The following GOLGA3 variants were observed in gnomAD, a reference collection of about 807,000 sequenced individuals.
GOLGA3 encodes golgin subfamily A member 3.
A neutral mutation model predicts 169.4 loss-of-function variants in GOLGA3; 75 were observed. The ratio of observed to expected loss-of-function variants is 0.44; its 90% confidence interval spans 0.37 to 0.54. The LOEUF is 0.54. Among genes scored for constraint, GOLGA3 ranks in the 20% least tolerant of loss-of-function variants. The probability of loss-of-function intolerance (pLI) is 0.00; values close to 1 mark genes in which losing one functional copy is unlikely to be tolerated. For synonymous variants in GOLGA3, 824 were observed against 822.4 expected (o/e 1.00, Z -0.03); for missense variants, 1,899 against 1,930.0 (o/e 0.98, Z 0.30).
At chr12:132,788,932 G>C in intron 13 of GOLGA3, 95 bp downstream of exon 13, 15 of 277,972 alleles carry the variant, frequency 5.4e-5, no homozygotes, top group Non-Finnish European at 7.8e-5. Flanking sequence ...CCCCGCCCCA[G>C]ACACAGGCCC....
At chr12:132,783,677 A>C (rs568279341) in intron 16 of GOLGA3, among the ~76,000 whole-genome samples, 1 of 152,304 alleles carries the variant, frequency 6.6e-6, no homozygotes, top group South Asian at 2.1e-4. Context: ...TCCTGGGTTC[A>C]AGCGGTTTAC....
chr12:132,795,702 A>T, intron 11 of GOLGA3, 150 bp downstream of exon 11: 1 of 815,270 alleles, frequency 1.2e-6, no homozygotes, highest in Non-Finnish European at 1.9e-6. Flanking sequence ...TGGAGGTTGC[A>T]GTGAGCGCAG....
intron 2 of GOLGA3, among the ~76,000 whole-genome samples, chr12:132,819,286 T>C (rs985420793): frequency 1.3e-5 from 2 of 151,994 alleles, no homozygotes. Flanking sequence ...TCCCAGCACT[T>C]TGGGAAGCTG....
At position 132,782,434 on chromosome 12, in the gene GOLGA3, C is replaced by T. The variant is rs770228912; in HGVS notation, c.3327G>A (p.Lys1109=). ...KIKRLEESNK[K]LALELEHEKG... ...TCTCGTGCTCTAATTCAAGAGCCAACTTCTTGTTTGACTCCTCAAGGCGTT... is the reference window on the plus strand; with the variant it reads ...TCTCGTGCTCTAATTCAAGAGCCAATTTCTTGTTTGACTCCTCAAGGCGTT... The change falls in exon 17 of 24, where the codon AAG becomes AAA. Residue 1109 remains lysine (K), a synonymous_variant. Transcript: ENST00000450791. 6.2e-7 allele frequency: 1 copy of T among 1,614,068 alleles called. No individual in the cohort carries two copies. Among genetic ancestry groups the T allele is most frequent in the Non-Finnish European group, 8.5e-7 (1 of 1,179,894 alleles).
At chr12:132,783,894 C>A in intron 16 of GOLGA3, 1 of 1,425,872 alleles carries the variant, frequency 7.0e-7, no homozygotes, top group Non-Finnish European at 9.1e-7. Context: ...TTCTTATTTG[C>A]AACCAAAGCA....
intron 8 of GOLGA3, among the ~76,000 whole-genome samples, chr12:132,800,122 G>A (rs1419589489): frequency 6.6e-6 from 1 of 152,208 alleles, no homozygotes; most frequent in African/African-American, 2.4e-5. Flanking sequence ...GTAAAAAAGT[G>A]TATTAATTTG....
In GOLGA3 at chr12:132,826,089, A is replaced by G. The variant is rs574780326; in HGVS notation, c.-184+2714T>C. 9 of 1,464,810 alleles carry G rather than the reference A, an allele frequency of 6.1e-6. No homozygotes were observed. In the African/African-American group the frequency reaches 1.1e-4, roughly 18 times the overall value. 90.7% of individuals were successfully genotyped at this position (1,464,810 alleles called of 1,614,324 possible). A position where few individuals can be genotyped will look rare whatever the true frequency, so the allele number is the denominator to read the frequency against. The stretch of plus-strand genomic sequence containing the variant: ...ATCGGTGACATCGTCACAGTGGGCG[A>G]GTGCCGGCCTTGCCGGCCTCTGAGC... On this transcript the variant is annotated intron_variant, in intron 1 of 23. Coordinates refer to ENST00000450791, the MANE Select transcript of GOLGA3 (RefSeq NM_001389683.1).
chr12:132,781,169 C>T (rs2045583385), intron 17 of GOLGA3, among the ~76,000 whole-genome samples: 1 of 152,112 alleles, frequency 6.6e-6, no homozygotes, highest in Admixed American at 6.5e-5. Flanking sequence ...ATCGCTGGAG[C>T]CCAGGAGGTT....
chr12:132,782,231 C>T (rs1228420066), intron 17 of GOLGA3, 65 bp downstream of exon 17: 12 of 1,348,994 alleles, frequency 8.9e-6, no homozygotes, highest in Admixed American at 8.4e-5. Context: ...ATGAGATTCT[C>T]GGAGTGCGCA....
At chr12:132,811,099 G>A (rs765135669) in intron 4 of GOLGA3, among the ~76,000 whole-genome samples, 1 of 152,172 alleles carries the variant, frequency 6.6e-6, no homozygotes, top group Non-Finnish European at 1.5e-5. Flanking sequence ...CATTGGAGAT[G>A]ACTCACACTC....
At chr12:132,811,889 G>A (rs1262986940) in intron 4 of GOLGA3, 22 of 581,264 alleles carry the variant, frequency 3.8e-5, no homozygotes, top group Non-Finnish European at 4.8e-5. Context: ...GTGGGTGCCT[G>A]TAGTCCCAGC....
At chr12:132,799,594 G>A (rs896800461) in intron 8 of GOLGA3, among the ~76,000 whole-genome samples, 1 of 152,190 alleles carries the variant, frequency 6.6e-6, no homozygotes, top group African/African-American at 2.4e-5. Context: ...GAGCTATGAT[G>A]GTAACACTGA....
At chr12:132,797,483 G>C (rs1948904464) in intron 9 of GOLGA3, among the ~76,000 whole-genome samples, 1 of 152,236 alleles carries the variant, frequency 6.6e-6, no homozygotes, top group African/African-American at 2.4e-5. Context: ...GGCCGAGGCA[G>C]GCGGATCACC....
Position 132,826,132 on chromosome 12 carries a change from C to A in GOLGA3, c.-184+2671G>T, listed in dbSNP as rs544860967. 33 of 1,575,976 alleles carry A rather than the reference C, an allele frequency of 2.1e-5. No homozygotes were observed. In the African/African-American group the frequency reaches 3.2e-4, roughly 15 times the overall value. ...CTCTGAGCAAGACAGTGCACCTCAACGTGCTCCAGGTCACCAAGGCTGCCA... is the reference window on the plus strand; with the variant it reads ...CTCTGAGCAAGACAGTGCACCTCAAAGTGCTCCAGGTCACCAAGGCTGCCA... On this transcript the variant is annotated intron_variant, in intron 1 of 23. Coordinates refer to ENST00000450791, the MANE Select transcript of GOLGA3 (RefSeq NM_001389683.1).
intron 18 of GOLGA3, among the ~76,000 whole-genome samples, chr12:132,780,000 GGCACACACGTGC>G (rs1335292118): frequency 5.2e-3 from 632 of 121,878 alleles, no homozygotes; most frequent in African/African-American, 0.02. Flanking sequence ...ACACACCCCA[GGCACACACGTGC>G]GCACACACAC....
rs779279239 is a variant in GOLGA3, at chr12:132,784,161, C to T, written c.3267+3G>A. Reference sequence around the variant, plus strand: ...GCCGCCACAGCAGATGGCCAGGCCTCACCTCGTCCTCCAGCTCCAGCACCT... The same window carrying T: ...GCCGCCACAGCAGATGGCCAGGCCTTACCTCGTCCTCCAGCTCCAGCACCT... On this transcript the variant is annotated splice_donor_region_variant and intron_variant, in intron 16 of 23. Coordinates refer to ENST00000450791, the MANE Select transcript of GOLGA3 (RefSeq NM_001389683.1). The T allele has an allele frequency of 5.0e-6, 8 of 1,606,666 alleles. No homozygotes were observed. In the South Asian group the frequency reaches 7.7e-5, roughly 15 times the overall value.
In GOLGA3 at chr12:132,789,268, C is replaced by T. The variant is rs773832414; in HGVS notation, c.2570G>A (p.Arg857His). Reference sequence around the variant, plus strand: ...GAGCTGGTCTTTGGAGGTGGCGTCGCGCCGGTAGGCCTCCACCATCACCTG... The same window carrying T: ...GAGCTGGTCTTTGGAGGTGGCGTCGTGCCGGTAGGCCTCCACCATCACCTG... The part of the protein sequence containing the change: ...QQKVMVEAYR[R>H]DATSKDQLIS... The change falls in exon 13 of 24, where the codon CGC (arginine) becomes CAC (histidine). Residue 857 changes from arginine to histidine, a missense_variant. Coordinates refer to ENST00000450791, the MANE Select transcript of GOLGA3 (RefSeq NM_001389683.1). 4.2e-5 allele frequency: 67 copies of T among 1,599,456 alleles called. No individual in the cohort carries two copies. The highest frequency in any genetic ancestry group is 5.2e-5 in the Non-Finnish European group (61 of 1,177,706).
At position 132,773,147 on chromosome 12, in the gene GOLGA3, T is replaced by C; in HGVS notation, c.4455A>G (p.Arg1485=). The C allele has an allele frequency of 6.3e-7, 1 of 1,586,278 alleles. No individual in the cohort carries two copies. The highest frequency in any genetic ancestry group is 8.6e-7 in the Non-Finnish European group (1 of 1,165,598). ...GHAGPRGDPQ[R]HSQSRASKEG... is the part of the protein sequence containing the mutation. ...CTTTGGAAGCCCTGCTCTGACTGTG[T>C]CTCTGTGGGTCGCCGCGTGGGCCGG... Residue 1485 remains arginine, a synonymous_variant, in exon 24 of 24, where the codon AGA becomes AGG. Coordinates refer to ENST00000450791, the MANE Select transcript of GOLGA3 (RefSeq NM_001389683.1).
In GOLGA3 at chr12:132,777,919, C is replaced by T. The variant is rs966040244; in HGVS notation, c.3583-114G>A. On this transcript the variant is annotated intron_variant, in intron 18 of 23. Transcript: ENST00000450791. The surrounding 1 kb of genome is among the most constrained non-coding windows in gnomAD (Gnocchi z 4.7). ...GCCCCGTGCATGTCCTGGCTGCCGG[C>T]GTGTGCTTCTCCACAGGCCTGTCAA... The T allele has an allele frequency of 1.2e-5, 14 of 1,172,694 alleles. No homozygotes were observed. The highest frequency in any genetic ancestry group is 1.5e-5 in the Non-Finnish European group (13 of 842,600). 72.6% of individuals were successfully genotyped at this position (1,172,694 alleles called of 1,614,324 possible). A position where few individuals can be genotyped will look rare whatever the true frequency, so the allele number is the denominator to read the frequency against.
Sources: gnomAD v4.1 joint callset for allele counts (sites outside exome capture counted in the v4.1 genomes callset) on GRCh38, gnomAD v4.1.1 for gene constraint, Gnocchi (gnomAD v3.1) non-coding constraint, MANE v1.5 for transcripts, NCBI Gene and HGNC (gene_info 2026-07-23, HGNC 2026-07-21) for gene names.